Variants in CCSER1 observed in about 807,000 individuals in gnomAD.
The protein encoded by CCSER1 is coiled-coil serine rich protein 1.
Under a neutral mutation model 82.0 loss-of-function variants are expected in CCSER1, and 41 were observed. That is an observed-to-expected ratio of 0.50 (90% CI 0.39 to 0.65). CCSER1 has a LOEUF of 0.65. Among genes scored for constraint, CCSER1 ranks in the 30% least tolerant of loss-of-function variants. The pLI is 0.00. For missense variants in CCSER1, 1,119 were observed against 1,064.2 expected (o/e 1.05, Z -0.72); for synonymous variants, 414 against 383.9 (o/e 1.08, Z -0.92).
At chr4:90,619,726 G>A (rs543589252) in intron 5 of CCSER1, among the ~76,000 whole-genome samples, 33 of 152,130 alleles carry the variant, frequency 2.2e-4, no homozygotes, top group African/African-American at 7.7e-4. Context: ...TGAGAAATAT[G>A]TATGTGTGTG....
At chr4:90,729,556 C>A (rs1360112383) in intron 7 of CCSER1, among the ~76,000 whole-genome samples, 4 of 152,056 alleles carry the variant, frequency 2.6e-5, no homozygotes, top group African/African-American at 9.7e-5. Context: ...GGAAAAAATA[C>A]ATAATAGTTT....
At chr4:90,396,375 AC>A (rs1393034436) in intron 3 of CCSER1, among the ~76,000 whole-genome samples, 4 of 152,088 alleles carry the variant, frequency 2.6e-5, no homozygotes, top group Admixed American at 6.6e-5. Flanking sequence ...GTACAGTACT[AC>A]TTTTGGTACT....
chr4:90,993,169 T>C (rs994359813), intron 9 of CCSER1, among the ~76,000 whole-genome samples: 8 of 152,250 alleles, frequency 5.3e-5, no homozygotes, highest in African/African-American at 1.9e-4. Context: ...CAACTTTCTT[T>C]TGATATTTTG....
intron 8 of CCSER1, among the ~76,000 whole-genome samples, chr4:90,923,088 AT>A (rs1169336182): frequency 6.6e-6 from 1 of 152,218 alleles, no homozygotes; most frequent in Non-Finnish European, 1.5e-5. Context: ...AAGCATAGAC[AT>A]TTGGTCTTGG....
At chr4:90,224,288 A>C (rs182999846) in intron 1 of CCSER1, among the ~76,000 whole-genome samples, 40 of 152,278 alleles carry the variant, frequency 2.6e-4, no homozygotes, top group Admixed American at 2.4e-3. Flanking sequence ...CTTTTTCCCA[A>C]TGCCCCTTTC....
At chr4:91,266,661 C>T (rs1741615849) in intron 10 of CCSER1, among the ~76,000 whole-genome samples, 1 of 152,058 alleles carries the variant, frequency 6.6e-6, no homozygotes. Flanking sequence ...TTAAAATACG[C>T]ATGACTGAAT....
chr4:90,250,192 C>T (rs570091256), intron 1 of CCSER1, among the ~76,000 whole-genome samples: 41 of 152,106 alleles, frequency 2.7e-4, no homozygotes, highest in South Asian at 8.3e-4. Flanking sequence ...TTTTACCTTC[C>T]TGATGGTATC....
intron 1 of CCSER1, among the ~76,000 whole-genome samples, chr4:90,178,521 A>G (rs1416446690): frequency 6.6e-6 from 1 of 152,092 alleles, no homozygotes; most frequent in East Asian, 1.9e-4. Flanking sequence ...CGAAGTTCCA[A>G]ATGTGACATT....
At position 91,461,004 on chromosome 4, in the gene CCSER1, C is replaced by G. The variant is rs964060723; in HGVS notation, c.2218-137568C>G. Among the ~76,000 whole-genome samples the G allele has an allele frequency of 2.6e-5, 4 of 152,230 alleles. No homozygotes were observed. The East Asian group carries it at 5.8e-4, about 22-fold the overall frequency. The stretch of plus-strand genomic sequence containing the variant: ...ACTTTTATGACTTTTAGAGATGTCT[C>G]CAAGACCATGAGTCTCAGTTTCTCT... On this transcript the variant is annotated intron_variant, in intron 10 of 10. Transcript: ENST00000509176.
chr4:90,968,392 G>A (rs916112369), intron 9 of CCSER1, among the ~76,000 whole-genome samples: 1 of 151,908 alleles, frequency 6.6e-6, no homozygotes, highest in Non-Finnish European at 1.5e-5. Context: ...CTCCATGTGT[G>A]CCCCCACAGA....
At chr4:91,363,871 T>C (rs1002256024) in intron 10 of CCSER1, among the ~76,000 whole-genome samples, 1 of 151,776 alleles carries the variant, frequency 6.6e-6, no homozygotes. Context: ...TTGAGGTTTA[T>C]ATGACTTTGG....
At chr4:90,276,363 T>G (rs1368394525) in intron 1 of CCSER1, among the ~76,000 whole-genome samples, 13 of 146,464 alleles carry the variant, frequency 8.9e-5, no homozygotes, top group African/African-American at 2.8e-4. Flanking sequence ...TTTTTTTTTT[T>G]GGAAACGGAG....
intron 10 of CCSER1, among the ~76,000 whole-genome samples, chr4:91,377,215 T>C (rs141147425): frequency 0.02 from 2,989 of 152,288 alleles, 77 homozygotes; most frequent in African/African-American, 0.067. Context: ...AACATACATG[T>C]GCATGTGTCT....
intron 5 of CCSER1, among the ~76,000 whole-genome samples, chr4:90,556,505 A>G: frequency 6.6e-6 from 1 of 152,116 alleles, no homozygotes; most frequent in East Asian, 1.9e-4. Context: ...TTGGCTCCAC[A>G]AAAACTTTAA....
chr4:91,262,862 AC>A (rs1270146635), intron 10 of CCSER1, among the ~76,000 whole-genome samples: 7 of 151,680 alleles, frequency 4.6e-5, no homozygotes, highest in African/African-American at 9.7e-5. Context: ...GAAAAAAAAA[AC>A]AAACATATTC....
intron 4 of CCSER1, among the ~76,000 whole-genome samples, chr4:90,434,451 GT>G (rs113215812): frequency 1.6e-4 from 24 of 152,208 alleles, no homozygotes; most frequent in African/African-American, 5.5e-4. Context: ...GCCTCACATG[GT>G]GGTAAAATTT....
intron 9 of CCSER1, among the ~76,000 whole-genome samples, chr4:90,987,564 C>T (rs115958881): frequency 0.022 from 3,262 of 151,590 alleles, 110 homozygotes; most frequent in African/African-American, 0.075. Context: ...TACCAAGGCA[C>T]CCATTCATAT....
At chr4:90,478,735 T>C (rs561568418) in intron 5 of CCSER1, among the ~76,000 whole-genome samples, 111 of 151,224 alleles carry the variant, frequency 7.3e-4, no homozygotes, top group Middle Eastern at 3.4e-3. Context: ...TTCTTTCTTT[T>C]TTTTTTTTTT....
chr4:90,728,400 CTCTTTGATGTACTTTTTAGG>C (rs1744071593), intron 7 of CCSER1, among the ~76,000 whole-genome samples: 1 of 143,026 alleles, frequency 7.0e-6, no homozygotes, highest in South Asian at 2.2e-4. Flanking sequence ...CAAGAAAAAA[CTCTTTGATGTACTTTTTAGG>C]AATAGAATTG....
Sources: allele counts gnomAD v4.1 joint callset (sites outside exome capture counted in the v4.1 genomes callset), GRCh38; gene constraint gnomAD v4.1.1; transcripts MANE v1.5; gene names NCBI Gene and HGNC (gene_info 2026-07-23, HGNC 2026-07-21).